LRRC7: variants seen among roughly 807,000 people sequenced by gnomAD.
LRRC7 encodes leucine-rich repeat-containing protein 7.
LRRC7 carries 23 observed loss-of-function variants against 175.7 expected under a neutral mutation model. That is an observed-to-expected ratio of 0.13 (90% CI 0.09 to 0.19). LRRC7 has a LOEUF of 0.19. LRRC7 is among the 10% of genes least tolerant of loss of function. The pLI, the probability that LRRC7 is intolerant of heterozygous loss-of-function variation, is 1.00. For synonymous variants in LRRC7, 685 were observed against 680.9 expected, an observed-to-expected ratio of 1.01 and a Z score of -0.09; for missense variants, 1,354 against 1,904.7, an observed-to-expected ratio of 0.71 and a Z score of 5.38.
At chr1:69,574,933 G>C (rs1240652266) in intron 1 of LRRC7, among the ~76,000 whole-genome samples, 1 of 152,116 alleles carries the variant, frequency 6.6e-6, no homozygotes, top group Admixed American at 6.6e-5. Context: ...GTTAAACTTA[G>C]AGTGAGTGTT....
intron 7 of LRRC7, among the ~76,000 whole-genome samples, chr1:69,927,737 T>C (rs1647131994): frequency 6.6e-6 from 1 of 152,178 alleles, no homozygotes; most frequent in Non-Finnish European, 1.5e-5. Context: ...TTTTAACTTC[T>C]TTGCCTTTGG....
chr1:69,824,200 C>T (rs1222249900), intron 4 of LRRC7, among the ~76,000 whole-genome samples: 1 of 152,056 alleles, frequency 6.6e-6, no homozygotes, highest in Non-Finnish European at 1.5e-5. Context: ...TCATGTATAG[C>T]AGCATGCAAT....
intron 4 of LRRC7, among the ~76,000 whole-genome samples, chr1:69,806,651 T>C (rs947335521): frequency 6.6e-6 from 1 of 152,058 alleles, no homozygotes; most frequent in African/African-American, 2.4e-5. Flanking sequence ...ACTGTGGTCA[T>C]AAATTATCCT....
At chr1:69,902,427 C>T (rs1165340418) in intron 7 of LRRC7, among the ~76,000 whole-genome samples, 1 of 152,038 alleles carries the variant, frequency 6.6e-6, no homozygotes, top group African/African-American at 2.4e-5. Flanking sequence ...AAAAATTAGC[C>T]AGGCATGGTG....
intron 1 of LRRC7, among the ~76,000 whole-genome samples, chr1:69,632,107 A>G (rs1434757936): frequency 6.6e-6 from 1 of 152,110 alleles, no homozygotes; most frequent in Non-Finnish European, 1.5e-5. Context: ...TGTCTTCTCT[A>G]TAACCTTAGT....
chr1:69,603,972 A>T (rs1274538116), intron 1 of LRRC7, among the ~76,000 whole-genome samples: 2 of 152,144 alleles, frequency 1.3e-5, no homozygotes, highest in African/African-American at 4.8e-5. Context: ...AATAAAAAAT[A>T]AGTGAATAAT....
intron 8 of LRRC7, among the ~76,000 whole-genome samples, chr1:69,956,913 G>A (rs12030987): frequency 0.071 from 10,766 of 151,462 alleles, 410 homozygotes; most frequent in South Asian, 0.11. Flanking sequence ...ATTGCTCTAC[G>A]TAACATTACT....
chr1:69,705,301 C>T (rs1224286565), intron 2 of LRRC7, among the ~76,000 whole-genome samples: 1 of 152,114 alleles, frequency 6.6e-6, no homozygotes, highest in Non-Finnish European at 1.5e-5. Context: ...TCATTTGCCA[C>T]AGAGGGAAGA....
At chr1:69,902,603 A>G (rs1285496712) in intron 7 of LRRC7, among the ~76,000 whole-genome samples, 1 of 152,134 alleles carries the variant, frequency 6.6e-6, no homozygotes, top group East Asian at 1.9e-4. Flanking sequence ...CAATTTTCAG[A>G]GACGTTATAA....
chr1:69,713,967 T>C (rs189814907), intron 2 of LRRC7, among the ~76,000 whole-genome samples: 10 of 152,220 alleles, frequency 6.6e-5, no homozygotes. Flanking sequence ...CTTCTTATTC[T>C]GTCTCTTATT....
chr1:69,703,522 T>C (rs1663639414), intron 2 of LRRC7, among the ~76,000 whole-genome samples: 1 of 152,008 alleles, frequency 6.6e-6, no homozygotes, highest in African/African-American at 2.4e-5. Context: ...ATTACACTTA[T>C]ACTGTACTAG....
intron 2 of LRRC7, among the ~76,000 whole-genome samples, chr1:69,717,744 A>G (rs1665539488): frequency 6.9e-6 from 1 of 145,100 alleles, no homozygotes; most frequent in South Asian, 2.2e-4. Context: ...ATAATTTAAA[A>G]GATATTGGAA....
intron 1 of LRRC7, among the ~76,000 whole-genome samples, chr1:69,642,433 T>A (rs568690603): frequency 6.6e-6 from 1 of 152,094 alleles, no homozygotes; most frequent in East Asian, 1.9e-4. Context: ...AAAGGAAATA[T>A]GAGAAGAAAT....
chr1:69,759,330 G>C (rs1410210291), intron 2 of LRRC7, among the ~76,000 whole-genome samples: 1 of 151,862 alleles, frequency 6.6e-6, no homozygotes, highest in Non-Finnish European at 1.5e-5. Flanking sequence ...AATAATCACT[G>C]CCCTGAAAGG....
At chr1:69,680,869 TTAAGAATTAAG>T (rs1466551820) in intron 2 of LRRC7, among the ~76,000 whole-genome samples, 1 of 152,080 alleles carries the variant, frequency 6.6e-6, no homozygotes, top group African/African-American at 2.4e-5. Context: ...TAGAATTATT[TTAAGAATTAAG>T]GGAGATATTT....
chr1:70,064,726 T>G (rs670474), intron 23 of LRRC7, among the ~76,000 whole-genome samples: 116,407 of 151,480 alleles, frequency 0.77, 45,015 homozygotes, highest in African/African-American at 0.86. Context: ...AAGAATTTTT[T>G]AGTCCTCTTC....
In LRRC7 at chr1:70,096,799, G is replaced by T. The variant is rs1380185829; in HGVS notation, c.4545+6980G>T. Among the ~76,000 whole-genome samples, 4 of 152,170 alleles carry T rather than the reference G, an allele frequency of 2.6e-5. No homozygotes were observed. In the East Asian group the frequency reaches 7.7e-4, roughly 29 times the overall value. ...AGCTGGGGTGGTGGCATTAGCTGAG[G>T]TGGCTTCAGTTCCCTGAAGGTGTTC... is the stretch of plus-strand genomic sequence containing the variant. On this transcript the variant is annotated intron_variant, in intron 25 of 26. Transcript: ENST00000651989.
intron 7 of LRRC7, among the ~76,000 whole-genome samples, chr1:69,912,700 G>T (rs1414379291): frequency 6.6e-6 from 1 of 152,168 alleles, no homozygotes; most frequent in African/African-American, 2.4e-5. Context: ...GAAAATTCAT[G>T]TACAGCATGA....
intron 26 of LRRC7, among the ~76,000 whole-genome samples, chr1:70,119,553 G>A (rs1666084092): frequency 6.7e-6 from 1 of 150,310 alleles, no homozygotes; most frequent in Non-Finnish European, 1.5e-5. Context: ...ATCACATTGA[G>A]AGCCGACTAA....
Sources: allele counts gnomAD v4.1 joint callset (sites outside exome capture counted in the v4.1 genomes callset), GRCh38; gene constraint gnomAD v4.1.1; transcripts MANE v1.5; gene names NCBI Gene and HGNC (gene_info 2026-07-23, HGNC 2026-07-21).